KLHL1: variants seen among roughly 807,000 people sequenced by gnomAD.
KLHL1 encodes the protein kelch like family member 1, also known as kelch-like protein 1.
Under a neutral mutation model 77.7 loss-of-function variants are expected in KLHL1, and 47 were observed. The ratio of observed to expected loss-of-function variants is 0.60; its 90% CI spans 0.48 to 0.77. KLHL1 has a LOEUF of 0.77. KLHL1 is among the 30% of genes least tolerant of loss of function. KLHL1 has a pLI of 0.00. For missense variants in KLHL1, 925 were observed against 910.8 expected (o/e 1.02, Z -0.20); for synonymous variants, 360 against 325.2 (o/e 1.11, Z -1.15).
chr13:69,780,437 G>A (rs1876081933), intron 7 of KLHL1, among the ~76,000 whole-genome samples: 1 of 151,274 alleles, frequency 6.6e-6, no homozygotes, highest in African/African-American at 2.4e-5. Flanking sequence ...ACATGAAGAG[G>A]GCACACACAT....
intron 1 of KLHL1, among the ~76,000 whole-genome samples, chr13:70,022,574 GAATT>G (rs1266022903): frequency 2.3e-5 from 3 of 129,300 alleles, no homozygotes; most frequent in Non-Finnish European, 5.0e-5. Flanking sequence ...ATAAAATGAT[GAATT>G]ATTTTTAGAT....
chr13:69,724,057 G>A (rs541368016), intron 8 of KLHL1, among the ~76,000 whole-genome samples: 2 of 151,868 alleles, frequency 1.3e-5, no homozygotes, highest in African/African-American at 4.8e-5. Context: ...AGGATGGTCC[G>A]AACTCCTGAT....
intron 7 of KLHL1, among the ~76,000 whole-genome samples, chr13:69,776,005 A>AC (rs1481169753): frequency 2.0e-5 from 3 of 151,392 alleles, no homozygotes; most frequent in Admixed American, 6.6e-5. Flanking sequence ...CAAAAAAAAA[A>AC]ACTAGCTTGG....
At chr13:69,939,406 G>A (rs1883297488) in intron 4 of KLHL1, among the ~76,000 whole-genome samples, 1 of 114,154 alleles carries the variant, frequency 8.8e-6, no homozygotes, top group Admixed American at 9.1e-5. Context: ...CACATACAGG[G>A]AATAAAAGGG....
intron 3 of KLHL1, among the ~76,000 whole-genome samples, chr13:69,944,579 A>C (rs1012748675): frequency 1.3e-5 from 2 of 152,218 alleles, no homozygotes; most frequent in Non-Finnish European, 2.9e-5. Flanking sequence ...ATGGTAGGGG[A>C]ATGTAGAGAC....
intron 1 of KLHL1, among the ~76,000 whole-genome samples, chr13:70,080,326 T>C (rs1429980242): frequency 6.6e-6 from 1 of 152,196 alleles, no homozygotes; most frequent in African/African-American, 2.4e-5. Flanking sequence ...CAGGATCATT[T>C]ATACTTCCCC....
chr13:69,926,802 C>T (rs1882827585), intron 4 of KLHL1, among the ~76,000 whole-genome samples: 1 of 151,444 alleles, frequency 6.6e-6, no homozygotes, highest in Non-Finnish European at 1.5e-5. Context: ...AAAAAATTAG[C>T]TGGGTATGGT....
chr13:70,022,777 C>T (rs966076205), intron 1 of KLHL1, among the ~76,000 whole-genome samples: 1 of 138,794 alleles, frequency 7.2e-6, no homozygotes, highest in African/African-American at 2.7e-5. Flanking sequence ...TCAAGTTATT[C>T]TCCAAGCATA....
At chr13:70,002,621 A>T (rs970552695) in intron 1 of KLHL1, among the ~76,000 whole-genome samples, 1 of 151,654 alleles carries the variant, frequency 6.6e-6, no homozygotes, top group African/African-American at 2.4e-5. Flanking sequence ...GTGAACCCCA[A>T]TCAGGATATA....
intron 6 of KLHL1, among the ~76,000 whole-genome samples, chr13:69,813,328 GT>G: frequency 1.3e-5 from 2 of 151,858 alleles, no homozygotes; most frequent in Admixed American, 1.3e-4. Context: ...CTGTTGTGGG[GT>G]GGGGGGAGAG....
chr13:69,981,084 T>C (rs745331705), intron 1 of KLHL1, among the ~76,000 whole-genome samples: 1 of 152,130 alleles, frequency 6.6e-6, no homozygotes, highest in Non-Finnish European at 1.5e-5. Flanking sequence ...GTTTGTGGCA[T>C]AAATTGTAAT....
chr13:70,053,807 C>T (rs962572861), intron 1 of KLHL1, among the ~76,000 whole-genome samples: 1 of 152,118 alleles, frequency 6.6e-6, no homozygotes, highest in African/African-American at 2.4e-5. Context: ...CTAGTTTTGG[C>T]GGGCACAAGA....
At chr13:69,851,570 A>G (rs1481297921) in intron 5 of KLHL1, among the ~76,000 whole-genome samples, 1 of 151,902 alleles carries the variant, frequency 6.6e-6, no homozygotes, top group Admixed American at 6.6e-5. Context: ...CTATTAACAT[A>G]GCATTTGATA....
intron 6 of KLHL1, among the ~76,000 whole-genome samples, chr13:69,803,294 T>C (rs1443045716): frequency 7.6e-6 from 1 of 132,290 alleles, no homozygotes; most frequent in Non-Finnish European, 1.6e-5. Context: ...TTGTGTCAAT[T>C]TTACATAATA....
chr13:69,869,741 A>C (rs953055952), intron 5 of KLHL1, among the ~76,000 whole-genome samples: 1 of 152,182 alleles, frequency 6.6e-6, no homozygotes, highest in Non-Finnish European at 1.5e-5. Flanking sequence ...AACTGTTTCA[A>C]CATATGTGTG....
chr13:69,723,840 A>ATTTTTTTT (rs746350927), intron 8 of KLHL1, among the ~76,000 whole-genome samples: 1 of 58,304 alleles, frequency 1.7e-5, no homozygotes, highest in African/African-American at 3.8e-5. Context: ...GCCAGTCAGA[A>ATTTTTTTT]TTTTTTTTTT....
intron 3 of KLHL1, among the ~76,000 whole-genome samples, chr13:69,958,425 A>C (rs1319199101): frequency 6.6e-6 from 1 of 150,942 alleles, no homozygotes; most frequent in Non-Finnish European, 1.5e-5. Flanking sequence ...ACTATATAAA[A>C]TTCTATAAAA....
At chr13:70,032,904 TATC>T (rs1212934836) in intron 1 of KLHL1, among the ~76,000 whole-genome samples, 1 of 152,206 alleles carries the variant, frequency 6.6e-6, no homozygotes, top group Non-Finnish European at 1.5e-5. Context: ...GGTCATTAAA[TATC>T]ATTATTACTT....
intron 4 of KLHL1, among the ~76,000 whole-genome samples, chr13:69,936,925 A>G (rs572224614): frequency 6.6e-6 from 1 of 152,300 alleles, no homozygotes; most frequent in Non-Finnish European, 1.5e-5. Context: ...AACTTATTTT[A>G]CTTTTCCATT....
Sources: gnomAD v4.1 joint callset for allele counts (sites outside exome capture counted in the v4.1 genomes callset) on GRCh38, gnomAD v4.1.1 for gene constraint, MANE v1.5 for transcripts, NCBI Gene and HGNC (gene_info 2026-07-23, HGNC 2026-07-21) for gene names.